DEFB109B: variants seen among roughly 807,000 people sequenced by gnomAD.
DEFB109B encodes defensin beta 109B, also known as beta-defensin 109B.
At position 7,315,453 on chromosome 8, in the gene DEFB109B, C is replaced by T. The variant is rs1280289720; in HGVS notation, n.58+2550C>T. 3.7e-5 allele frequency among the ~76,000 whole-genome samples: 5 copies of T among 133,724 alleles called. 1 individual carries two copies. Among genetic ancestry groups the T allele is most frequent in the Admixed American group, 3.6e-4 (5 of 14,038 alleles). 87.7% of individuals were successfully genotyped at this position (133,724 alleles called of 152,430 possible). A position where few individuals can be genotyped will look rare whatever the true frequency, so the allele number is the denominator to read the frequency against. On this transcript the variant is annotated intron_variant and non_coding_transcript_variant, in intron 1 of 1. Transcript: ENST00000382656. Reference sequence around the variant, plus strand: ...GGCGGAGGTTGCGGTGAGCCGAGATCGTGCCATTGCACTCTAGCCTGGGCG... The same window carrying T: ...GGCGGAGGTTGCGGTGAGCCGAGATTGTGCCATTGCACTCTAGCCTGGGCG...
upstream of DEFB109B, among the ~76,000 whole-genome samples, chr8:7,312,362 C>T (rs539097700): frequency 7.3e-6 from 1 of 137,764 alleles, no homozygotes; most frequent in Non-Finnish European, 1.5e-5. Context: ...ACAACCACAA[C>T]AAAGGGACGT....
At chr8:7,313,430 GAATA>G (rs1436245328) in intron 1 of DEFB109B, among the ~76,000 whole-genome samples, 1 of 137,014 alleles carries the variant, frequency 7.3e-6, no homozygotes, top group African/African-American at 3.3e-5. Flanking sequence ...TATAATCCTA[GAATA>G]AATGAAAATT....
At chr8:7,318,844 A>G (rs1335184837) in intron 1 of DEFB109B, 2 of 145,964 alleles carry the variant, frequency 1.4e-5, no homozygotes, top group Middle Eastern at 3.4e-3. Context: ...TCTGAATACA[A>G]TAATAAATGT....
Sources: allele counts gnomAD v4.1 joint callset (sites outside exome capture counted in the v4.1 genomes callset), GRCh38; gene constraint gnomAD v4.1.1; transcripts MANE v1.5; gene names NCBI Gene and HGNC (gene_info 2026-07-23, HGNC 2026-07-21).